TNFSF4: variants seen among roughly 807,000 people sequenced by gnomAD.
TNFSF4 encodes the protein TNF superfamily member 4, also known as tumor necrosis factor ligand superfamily member 4.
In TNFSF4, 4 loss-of-function variants were observed where a neutral mutation model predicts 7.3. The observed-to-expected ratio is 0.55, with a 90% confidence interval of 0.27 to 1.25. The LOEUF (loss-of-function observed/expected upper bound fraction) is 1.25. Among genes scored for constraint, TNFSF4 ranks in the 50% most tolerant of loss-of-function variants. The probability of loss-of-function intolerance (pLI) is 0.12; values close to 1 mark genes in which losing one functional copy is unlikely to be tolerated. For synonymous variants in TNFSF4, 76 were observed against 83.7 expected, an observed-to-expected ratio of 0.91 and a Z score of 0.50; for missense variants, 181 against 208.8, an observed-to-expected ratio of 0.87 and a Z score of 0.82.
At chr1:173,427,550 AAG>A in the TNFSF4 span, among the ~76,000 whole-genome samples, 1 of 152,212 alleles carries the variant, frequency 6.6e-6, no homozygotes, top group African/African-American at 2.4e-5. Context: ...ATCGGGAAAA[AAG>A]AGAGACATGA....
At chr1:173,236,013 A>G in the TNFSF4 span, among the ~76,000 whole-genome samples, 1 of 152,206 alleles carries the variant, frequency 6.6e-6, no homozygotes, top group Non-Finnish European at 1.5e-5. Context: ...AAAAATATAT[A>G]GAATCATTTG....
the TNFSF4 span, among the ~76,000 whole-genome samples, chr1:173,403,914 A>G: frequency 9.3e-4 from 142 of 152,114 alleles, 1 homozygote; most frequent in African/African-American, 2.9e-3. Flanking sequence ...AAAAAAAAAA[A>G]AGAGAGTTTT....
the TNFSF4 span, among the ~76,000 whole-genome samples, chr1:173,231,604 G>A: frequency 2.0e-5 from 3 of 152,072 alleles, no homozygotes; most frequent in African/African-American, 7.2e-5. Context: ...TGGGCAATAA[G>A]GCAGGACAAA....
At chr1:173,278,338 T>C in the TNFSF4 span, among the ~76,000 whole-genome samples, 15 of 152,220 alleles carry the variant, frequency 9.9e-5, no homozygotes, top group African/African-American at 3.6e-4. Context: ...TCCTGATTGT[T>C]CCTTCAAAAT....
chr1:173,419,096 T>C, the TNFSF4 span, among the ~76,000 whole-genome samples: 2 of 152,118 alleles, frequency 1.3e-5, no homozygotes, highest in East Asian at 3.9e-4. Flanking sequence ...TCCCAGCACT[T>C]TGGGAGGCCA....
At chr1:173,286,177 A>G in the TNFSF4 span, among the ~76,000 whole-genome samples, 1 of 152,334 alleles carries the variant, frequency 6.6e-6, no homozygotes, top group East Asian at 1.9e-4. Flanking sequence ...TTCACCTCAT[A>G]TAGTTCTATA....
the TNFSF4 span, among the ~76,000 whole-genome samples, chr1:173,393,246 C>T: frequency 1.5e-4 from 23 of 152,300 alleles, no homozygotes; most frequent in Non-Finnish European, 2.9e-4. Context: ...CTATGTGTAT[C>T]CCAGAAACCT....
At chr1:173,319,982 C>G in the TNFSF4 span, among the ~76,000 whole-genome samples, 1 of 152,094 alleles carries the variant, frequency 6.6e-6, no homozygotes. Flanking sequence ...CCATCAAGGG[C>G]ACAAAACTGG....
the TNFSF4 span, among the ~76,000 whole-genome samples, chr1:173,446,857 G>A: frequency 0.19 from 28,287 of 152,130 alleles, 2,706 homozygotes; most frequent in East Asian, 0.31. Context: ...TACTTTTGAG[G>A]TTTTGGGACT....
chr1:173,271,898 C>G, the TNFSF4 span, among the ~76,000 whole-genome samples: 1 of 152,132 alleles, frequency 6.6e-6, no homozygotes, highest in South Asian at 2.1e-4. Flanking sequence ...CACATGCACA[C>G]ATATGTTTAT....
At chr1:173,221,759 G>C in the TNFSF4 span, among the ~76,000 whole-genome samples, 6 of 152,178 alleles carry the variant, frequency 3.9e-5, no homozygotes, top group African/African-American at 1.4e-4. Context: ...AAAGCACAGA[G>C]AGGTTATGCA....
the TNFSF4 span, among the ~76,000 whole-genome samples, chr1:173,312,116 A>G: frequency 3.3e-5 from 5 of 152,184 alleles, no homozygotes; most frequent in East Asian, 9.7e-4. Flanking sequence ...TTTTCTTAAG[A>G]TAAGTCTTAG....
chr1:173,204,514 A>G (rs898007065), intron 1 of TNFSF4, among the ~76,000 whole-genome samples: 4 of 152,228 alleles, frequency 2.6e-5, no homozygotes, highest in African/African-American at 9.6e-5. Flanking sequence ...CTGTATTTAC[A>G]GAGCCATTCA....
chr1:173,204,199 A>G (rs1172631327), intron 1 of TNFSF4, among the ~76,000 whole-genome samples: 2 of 152,208 alleles, frequency 1.3e-5, no homozygotes, highest in South Asian at 2.1e-4. Context: ...GTATTTCTCA[A>G]ATCCTTATAT....
At chr1:173,442,691 C>T in the TNFSF4 span, among the ~76,000 whole-genome samples, 3 of 151,784 alleles carry the variant, frequency 2.0e-5, no homozygotes, top group Non-Finnish European at 4.4e-5. Flanking sequence ...GCTGGGATTA[C>T]AGGCACCCGC....
the TNFSF4 span, among the ~76,000 whole-genome samples, chr1:173,388,546 T>C: frequency 6.6e-6 from 1 of 152,194 alleles, no homozygotes; most frequent in Non-Finnish European, 1.5e-5. Context: ...TGTCTCAAAA[T>C]TGCACAATAG....
chr1:173,339,279 G>A, the TNFSF4 span, among the ~76,000 whole-genome samples: 2 of 152,094 alleles, frequency 1.3e-5, no homozygotes, highest in Non-Finnish European at 2.9e-5. Context: ...CTAATCAGGA[G>A]GCTAAGTTGG....
the TNFSF4 span, among the ~76,000 whole-genome samples, chr1:173,420,349 C>T: frequency 6.6e-6 from 1 of 152,214 alleles, no homozygotes; most frequent in Non-Finnish European, 1.5e-5. Flanking sequence ...CTCTCGTAGC[C>T]AGCTGCTAAT....
In TNFSF4 at chr1:173,202,070, T is replaced by TATATATATATATATATACACACA. The variant is rs150074641; in HGVS notation, c.153+4953_153+4954insTGTGTGTATATATATATATATAT. 9.4e-5 allele frequency among the ~76,000 whole-genome samples: 14 copies of TATATATATATATATATACACACA among 149,656 alleles called. No homozygotes were observed. In the East Asian group the frequency reaches 1.4e-3, roughly 15 times the overall value. On this transcript the variant is annotated intron_variant, in intron 1 of 2. Transcript: ENST00000281834. ...CTATATATATATACATATATATATA[T>TATATATATATATATATACACACA]ACACACACACATACACATATATATA...
Sources: allele counts gnomAD v4.1 joint callset (sites outside exome capture counted in the v4.1 genomes callset), GRCh38; gene constraint gnomAD v4.1.1; transcripts MANE v1.5; gene names NCBI Gene and HGNC (gene_info 2026-07-23, HGNC 2026-07-21).